BPTF: variants seen among roughly 807,000 people sequenced by gnomAD.
The protein encoded by BPTF is nucleosome-remodeling factor subunit BPTF.
Under a neutral mutation model 292.5 loss-of-function variants are expected in BPTF, and 18 were observed. That is an observed-to-expected ratio of 0.06 (90% CI 0.04 to 0.09). The LOEUF (loss-of-function observed/expected upper bound fraction) is 0.09, where lower values mean the gene tolerates loss of function less well. Ranked by LOEUF, BPTF falls within the 10% of genes least tolerant of loss-of-function variation. The pLI, the probability that BPTF is intolerant of heterozygous loss-of-function variation, is 1.00. For missense variants in BPTF, 2,726 were observed against 3,498.7 expected (o/e 0.78, Z 5.57); for synonymous variants, 1,225 against 1,251.9 (o/e 0.98, Z 0.45).
chr17:67,944,822 G>A (rs2065671478), intron 20 of BPTF, among the ~76,000 whole-genome samples: 1 of 152,078 alleles, frequency 6.6e-6, no homozygotes, highest in Admixed American at 6.6e-5. Flanking sequence ...GTGAAGCGTG[G>A]CAATTAGCCT....
chr17:67,977,065 TGC>T (rs2069576930), intron 27 of BPTF, among the ~76,000 whole-genome samples: 1 of 152,190 alleles, frequency 6.6e-6, no homozygotes, highest in Non-Finnish European at 1.5e-5. Context: ...TGACATTTAG[TGC>T]TAGAAGATTA....
At chr17:67,943,591 T>G (rs1482334431) in intron 19 of BPTF, among the ~76,000 whole-genome samples, 1 of 152,136 alleles carries the variant, frequency 6.6e-6, no homozygotes, top group Non-Finnish European at 1.5e-5. Flanking sequence ...ACCCCATAGG[T>G]AATTTGGCAC....
chr17:67,826,498 G>T (rs1450930330), intron 1 of BPTF, among the ~76,000 whole-genome samples, 161 bp downstream of exon 1: 2 of 147,570 alleles, frequency 1.4e-5, no homozygotes, highest in African/African-American at 2.5e-5. Flanking sequence ...CAAAAAACTA[G>T]ATTTACAAGA....
At chr17:67,910,300 G>A (rs546392127) in intron 10 of BPTF, among the ~76,000 whole-genome samples, 1 of 152,098 alleles carries the variant, frequency 6.6e-6, no homozygotes, top group Non-Finnish European at 1.5e-5. Context: ...TTGGCTATAC[G>A]AATAATGCTG....
intron 23 of BPTF, among the ~76,000 whole-genome samples, chr17:67,948,922 A>G (rs1039733223): frequency 1.3e-5 from 2 of 152,264 alleles, no homozygotes; most frequent in African/African-American, 4.8e-5. Context: ...TTGAAGCTGC[A>G]GTCAGCCCTG....
In BPTF at chr17:67,859,501, G is replaced by A. The variant is rs530767166; in HGVS notation, c.1436+4739G>A. ...AGATAAAGAGACTAAATCTCAAAGAGGTTAAATAATTTGCCCTTGATTTGC... is the reference window on the plus strand; with the variant it reads ...AGATAAAGAGACTAAATCTCAAAGAAGTTAAATAATTTGCCCTTGATTTGC... On this transcript the variant is annotated intron_variant, in intron 2 of 27. Transcript: ENST00000306378. Among the ~76,000 whole-genome samples the A allele has an allele frequency of 1.8e-4, 27 of 152,288 alleles. No homozygotes were observed. In the South Asian group the frequency reaches 3.9e-3, roughly 22 times the overall value.
intron 7 of BPTF, among the ~76,000 whole-genome samples, chr17:67,895,264 C>T (rs1158569621): frequency 1.6e-5 from 2 of 127,536 alleles, no homozygotes; most frequent in East Asian, 2.6e-4. Context: ...ACTCAGGAGG[C>T]GGAGGTTACA....
intron 11 of BPTF, among the ~76,000 whole-genome samples, chr17:67,915,660 GC>G (rs1300552413): frequency 6.6e-6 from 1 of 151,996 alleles, no homozygotes; most frequent in African/African-American, 2.4e-5. Context: ...GCATATGTGT[GC>G]CCCTTGCCTT....
chr17:67,849,236 A>G (rs1598222680), intron 1 of BPTF, among the ~76,000 whole-genome samples: 1 of 152,196 alleles, frequency 6.6e-6, no homozygotes, highest in South Asian at 2.1e-4. Flanking sequence ...TTTGGGTTGC[A>G]TTTGAGATTA....
chr17:67,826,556 C>G (rs997784351), intron 1 of BPTF, among the ~76,000 whole-genome samples: 14 of 150,294 alleles, frequency 9.3e-5, no homozygotes, highest in African/African-American at 2.0e-4. Context: ...TTGCAGTTTG[C>G]AGGCCACACT....
intron 4 of BPTF, among the ~76,000 whole-genome samples, chr17:67,876,819 AAG>A (rs112651248): frequency 0.34 from 51,563 of 151,780 alleles, 11,042 homozygotes; most frequent in East Asian, 0.67. Flanking sequence ...AAAGTAAAAA[AAG>A]AGAAAAAGAA....
chr17:67,941,492 T>G (rs1377061242), intron 19 of BPTF, among the ~76,000 whole-genome samples: 1 of 152,054 alleles, frequency 6.6e-6, no homozygotes, highest in Middle Eastern at 3.2e-3. Context: ...CTTCACTAAT[T>G]AATATAGTGA....
Position 67,943,306 on chromosome 17 carries a change from A to G in BPTF, c.6478-844A>G, listed in dbSNP as rs1448861999. Among the ~76,000 whole-genome samples the G allele has an allele frequency of 2.0e-5, 3 of 152,306 alleles. No homozygotes were observed. In the East Asian group the frequency reaches 5.8e-4, roughly 29 times the overall value. ...TAAGTTTTGAGGGATTCACATGTAT[A>G]TGGAGCTTACTTAGTACATGGACTT... On this transcript the variant is annotated intron_variant, in intron 19 of 27. Transcript: ENST00000306378.
At position 67,909,268 on chromosome 17, in the gene BPTF, TC is replaced by T. The variant is rs1224750645; in HGVS notation, c.2813-303del. 3.9e-3 allele frequency among the ~76,000 whole-genome samples: 304 copies of T among 78,814 alleles called. 9 individuals carry two copies. The highest frequency in any genetic ancestry group is 0.01 in the African/African-American group (217 of 21,194). 51.7% of individuals were successfully genotyped at this position (78,814 alleles called of 152,430 possible). A position where few individuals can be genotyped will look rare whatever the true frequency, so the allele number is the denominator to read the frequency against. Reference sequence around the variant, plus strand: ...CAGTGGCATGAGCCACCGCACCAGGTCCCCCCCCCCCTTTTTTTTTTTATCC... The same window carrying T: ...CAGTGGCATGAGCCACCGCACCAGGTCCCCCCCCCCTTTTTTTTTTTATCC... On this transcript the variant is annotated intron_variant, in intron 9 of 27. Transcript: ENST00000306378.
At chr17:67,870,028 T>C (rs1457649041) in intron 3 of BPTF, among the ~76,000 whole-genome samples, 2 of 143,988 alleles carry the variant, frequency 1.4e-5, no homozygotes, top group Non-Finnish European at 3.0e-5. Flanking sequence ...AAAAAAAAAT[T>C]AGCAAAACCT....
chr17:67,958,763 G>C (rs1230350068), intron 23 of BPTF, among the ~76,000 whole-genome samples: 1 of 151,772 alleles, frequency 6.6e-6, no homozygotes, highest in African/African-American at 2.4e-5. Context: ...TCAGGAGTTT[G>C]CAACCAGCCT....
chr17:67,899,778 C>T (rs1445546925), intron 7 of BPTF, among the ~76,000 whole-genome samples: 1 of 151,900 alleles, frequency 6.6e-6, no homozygotes, highest in African/African-American at 2.4e-5. Flanking sequence ...ATCTGCCCAC[C>T]TCGGCTTCCC....
At chr17:67,975,266 A>T (rs6416956) in intron 26 of BPTF, 140,099 of 152,188 alleles carry the variant, frequency 0.92, 65,628 homozygotes, top group East Asian at 1. Flanking sequence ...ACACTTATCA[A>T]TCCAGTCATG....
chr17:67,913,715 T>G (rs1327735876), intron 11 of BPTF, among the ~76,000 whole-genome samples: 1 of 152,214 alleles, frequency 6.6e-6, no homozygotes, highest in Non-Finnish European at 1.5e-5. Flanking sequence ...CTAAGATTCC[T>G]TAGAAATTTT....
Sources: allele counts gnomAD v4.1 joint callset (sites outside exome capture counted in the v4.1 genomes callset), GRCh38; gene constraint gnomAD v4.1.1; transcripts MANE v1.5; gene names NCBI Gene and HGNC (gene_info 2026-07-23, HGNC 2026-07-21).